Variants in PTPRR observed in about 807,000 individuals in gnomAD.
PTPRR encodes protein tyrosine phosphatase receptor type R.
Under a neutral mutation model 77.2 loss-of-function variants are expected in PTPRR, and 38 were observed. That is an observed-to-expected ratio of 0.49 (90% CI 0.38 to 0.65). PTPRR has a LOEUF of 0.65. Ranked by LOEUF, PTPRR falls within the 30% of genes least tolerant of loss-of-function variation. The probability of loss-of-function intolerance (pLI) is 0.00; values close to 1 mark genes in which losing one functional copy is unlikely to be tolerated. For synonymous variants in PTPRR, 299 were observed against 283.1 expected, an observed-to-expected ratio of 1.06 and a Z score of -0.57; for missense variants, 744 against 799.2, an observed-to-expected ratio of 0.93 and a Z score of 0.83.
chr12:70,813,788 G>A (rs1891851477), intron 2 of PTPRR, among the ~76,000 whole-genome samples: 1 of 152,192 alleles, frequency 6.6e-6, no homozygotes, highest in Non-Finnish European at 1.5e-5. Context: ...CAGAGTACCA[G>A]AGAGCAGAGT....
chr12:70,831,144 G>T (rs1397364335), intron 2 of PTPRR, among the ~76,000 whole-genome samples: 4 of 152,122 alleles, frequency 2.6e-5, no homozygotes, highest in Admixed American at 6.5e-5. Flanking sequence ...TAGTGAGTAG[G>T]AATTTGAACA....
intron 6 of PTPRR, among the ~76,000 whole-genome samples, chr12:70,735,148 T>A (rs1889817944): frequency 2.6e-5 from 4 of 152,212 alleles, no homozygotes; most frequent in African/African-American, 9.6e-5. Flanking sequence ...GAAGGGCTTG[T>A]GCATGTTTCC....
chr12:70,676,699 T>C (rs541087074), intron 10 of PTPRR, among the ~76,000 whole-genome samples: 2 of 152,220 alleles, frequency 1.3e-5, no homozygotes, highest in East Asian at 3.9e-4. Flanking sequence ...TTATTTGTTG[T>C]TTGTAGTGAG....
chr12:70,815,049 G>A lies in PTPRR; in HGVS notation c.358-50271C>T, dbSNP rs149586936. ...ATAGATGATAGAATTTGTAGATAAG[G>A]GCATTAAAACAGTAATTACAACTAC... is the stretch of plus-strand genomic sequence containing the variant. On this transcript the variant is annotated intron_variant, in intron 2 of 13. Transcript: ENST00000283228. 1.7e-4 allele frequency among the ~76,000 whole-genome samples: 25 copies of A among 150,588 alleles called. 1 individual carries two copies. The East Asian group carries it at 4.9e-3, about 30-fold the overall frequency.
intron 2 of PTPRR, among the ~76,000 whole-genome samples, chr12:70,834,733 T>C (rs1055985914): frequency 1.3e-5 from 2 of 152,054 alleles, no homozygotes; most frequent in African/African-American, 4.8e-5. Context: ...TCAGAGTAAT[T>C]CTCTCAAAAA....
chr12:70,884,871 C>CAAAAAAAAAAAAAAAAAAAA (rs529547383), intron 2 of PTPRR, among the ~76,000 whole-genome samples: 11 of 53,930 alleles, frequency 2.0e-4, no homozygotes, highest in African/African-American at 8.4e-4. Context: ...AACTCTGTCT[C>CAAAAAAAAAAAAAAAAAAAA]AAAAAAAAAA....
At chr12:70,834,087 T>A (rs2137053303) in intron 2 of PTPRR, among the ~76,000 whole-genome samples, 1 of 152,260 alleles carries the variant, frequency 6.6e-6, no homozygotes, top group South Asian at 2.1e-4. Context: ...AAATATCGCT[T>A]AGCACTGGGG....
At chr12:70,723,408 A>C (rs555299246) in intron 6 of PTPRR, among the ~76,000 whole-genome samples, 1 of 152,204 alleles carries the variant, frequency 6.6e-6, no homozygotes, top group Non-Finnish European at 1.5e-5. Context: ...ACTTCTGGCA[A>C]TCTGAAATCA....
intron 3 of PTPRR, among the ~76,000 whole-genome samples, chr12:70,762,335 G>A (rs1565686487): frequency 6.6e-6 from 1 of 151,882 alleles, no homozygotes; most frequent in African/African-American, 2.4e-5. Context: ...AAACCATGGC[G>A]ATTGATAATA....
At position 70,754,382 on chromosome 12, in the gene PTPRR, T is replaced by G. The variant is rs559888967; in HGVS notation, c.628-81A>C. ...TTCTTATCAGACACTAAACATATTT[T>G]TAGCCTTATTCCATTCAGTGTAGTG... On this transcript the variant is annotated intron_variant, in intron 4 of 13. Coordinates refer to ENST00000283228, the MANE Select transcript of PTPRR (RefSeq NM_002849.4). 7.5e-6 allele frequency: 12 copies of G among 1,589,526 alleles called. No individual in the cohort carries two copies. The Admixed American group carries it at 1.8e-4, about 24-fold the overall frequency.
intron 2 of PTPRR, among the ~76,000 whole-genome samples, chr12:70,847,975 T>C (rs1892512315): frequency 6.6e-6 from 1 of 152,216 alleles, no homozygotes; most frequent in Non-Finnish European, 1.5e-5. Context: ...CCTTCATCTT[T>C]TCCCTGAGAT....
chr12:70,764,294 T>C (rs1049778853), intron 3 of PTPRR, among the ~76,000 whole-genome samples: 5 of 152,138 alleles, frequency 3.3e-5, no homozygotes, highest in Non-Finnish European at 7.3e-5. Context: ...TTCACTCTAA[T>C]GGAGAATATT....
At chr12:70,782,586 A>G (rs1891226356) in intron 2 of PTPRR, among the ~76,000 whole-genome samples, 1 of 152,044 alleles carries the variant, frequency 6.6e-6, no homozygotes, top group South Asian at 2.1e-4. Context: ...AACTATCACA[A>G]GGACAAAAAA....
chr12:70,697,664 G>T (rs973694927), intron 8 of PTPRR, among the ~76,000 whole-genome samples: 1 of 151,952 alleles, frequency 6.6e-6, no homozygotes, highest in Non-Finnish European at 1.5e-5. Context: ...AGCTGTTTTC[G>T]TTTATGAGTT....
chr12:70,855,785 G>T (rs192560724), intron 2 of PTPRR, among the ~76,000 whole-genome samples: 14 of 152,206 alleles, frequency 9.2e-5, no homozygotes, highest in Admixed American at 7.2e-4. Context: ...AGGCTTTTAG[G>T]CCAAATTGCA....
intron 2 of PTPRR, among the ~76,000 whole-genome samples, chr12:70,882,825 C>T (rs1893172037): frequency 6.6e-6 from 1 of 152,182 alleles, no homozygotes; most frequent in South Asian, 2.1e-4. Context: ...TTGATGTATA[C>T]TTTGCCTATA....
intron 6 of PTPRR, among the ~76,000 whole-genome samples, chr12:70,730,121 A>G (rs1192506199): frequency 6.6e-6 from 1 of 152,154 alleles, no homozygotes; most frequent in Non-Finnish European, 1.5e-5. Flanking sequence ...TGTAAGTTCT[A>G]ATGAGAATTT....
At chr12:70,796,251 A>G (rs1891512172) in intron 2 of PTPRR, among the ~76,000 whole-genome samples, 1 of 152,004 alleles carries the variant, frequency 6.6e-6, no homozygotes, top group African/African-American at 2.4e-5. Context: ...AATAACAGAT[A>G]ATCTGTCTTC....
chr12:70,808,694 C>T (rs1374119351), intron 2 of PTPRR, among the ~76,000 whole-genome samples: 1 of 152,128 alleles, frequency 6.6e-6, no homozygotes, highest in Non-Finnish European at 1.5e-5. Flanking sequence ...TTTATAAATT[C>T]AGAGCACATA....
Sources: allele counts gnomAD v4.1 joint callset (sites outside exome capture counted in the v4.1 genomes callset), GRCh38; gene constraint gnomAD v4.1.1; transcripts MANE v1.5; gene names NCBI Gene and HGNC (gene_info 2026-07-23, HGNC 2026-07-21).